PPIP5K2: variants seen among roughly 807,000 people sequenced by gnomAD.
PPIP5K2 encodes the protein diphosphoinositol pentakisphosphate kinase 2.
Under a neutral mutation model 154.6 loss-of-function variants are expected in PPIP5K2, and 105 were observed. The ratio of observed to expected loss-of-function variants is 0.68; its 90% CI spans 0.58 to 0.80. The LOEUF (loss-of-function observed/expected upper bound fraction) is 0.80, where lower values mean the gene tolerates loss of function less well. Among genes scored for constraint, PPIP5K2 ranks in the 30% least tolerant of loss-of-function variants. The pLI, the probability that PPIP5K2 is intolerant of heterozygous loss-of-function variation, is 0.00. For synonymous variants in PPIP5K2, 480 were observed against 490.3 expected (o/e 0.98, Z 0.28); for missense variants, 992 against 1,504.6 (o/e 0.66, Z 5.64).
At chr5:103,192,438 T>G (rs1263112273) in intron 29 of PPIP5K2, among the ~76,000 whole-genome samples, 1 of 152,022 alleles carries the variant, frequency 6.6e-6, no homozygotes, top group Non-Finnish European at 1.5e-5. Flanking sequence ...TCACCCTTAA[T>G]GATGTTTCAT....
intron 14 of PPIP5K2, 143 bp from the exon 15 acceptor site, chr5:103,158,045 C>T (rs902410120): frequency 1.2e-6 from 1 of 842,830 alleles, no homozygotes; most frequent in Non-Finnish European, 1.8e-6. Flanking sequence ...AAGGAACATA[C>T]ATGCAACAGC....
In PPIP5K2 at chr5:103,141,461, G is replaced by A. The variant is rs192750390; in HGVS notation, c.487+2992G>A. Among the ~76,000 whole-genome samples, 559 of 152,244 alleles carry A rather than the reference G, an allele frequency of 3.7e-3. 2 individuals carry two copies. Among genetic ancestry groups the A allele is most frequent in the African/African-American group, 0.013 (523 of 41,518 alleles). ...CAGGTGTGAAGCTGCAGATCTTCGC[G>A]GTGAGTGTTACAGCTCGGGCAGCCT... On this transcript the variant is annotated intron_variant, in intron 5 of 30. Coordinates refer to ENST00000358359, the MANE Select transcript of PPIP5K2 (RefSeq NM_001276277.3).
At position 103,201,829 on chromosome 5, in the gene PPIP5K2, C is replaced by G. The variant is rs78345585; in HGVS notation, c.*195C>G. The G allele has an allele frequency of 1.8e-4, 95 of 527,586 alleles. 1 individual carries two copies. The highest frequency in any genetic ancestry group is 1.8e-3 in the African/African-American group (89 of 50,814). 32.7% of individuals were successfully genotyped at this position (527,586 alleles called of 1,614,324 possible). On this transcript the variant is annotated 3_prime_UTR_variant, in exon 31 of 31. Coordinates refer to ENST00000358359, the MANE Select transcript of PPIP5K2 (RefSeq NM_001276277.3). ...TGTTAGCATTCTGTGAGCAGCAAAA[C>G]TTATAGTGATAAAAATCGATTGTTG...
chr5:103,191,900 A>G (rs1554227067), intron 29 of PPIP5K2, among the ~76,000 whole-genome samples: 1 of 152,078 alleles, frequency 6.6e-6, no homozygotes, highest in East Asian at 1.9e-4. Context: ...TTTGTGTATC[A>G]TTCCTCTTTT....
rs116065052 is a variant in PPIP5K2, at chr5:103,201,525, C to T, written c.3623C>T (p.Thr1208Ile). ...TTTTTGTTTTTGTTTTATGTAGCTA[C>T]AAGTGGACCTTCTAGTGCAGTTGTT... is the stretch of plus-strand genomic sequence containing the variant. ...KSTKASSKPA[T>I]SGPSSAVVPN... The change falls in exon 31 of 31, where the codon ACA becomes ATA. Residue 1208 changes from threonine to isoleucine, a missense_variant. Thr to Ile is a moderately conservative substitution (Grantham distance 89, BLOSUM62 -1). Transcript: ENST00000358359. The T allele has an allele frequency of 3.2e-4, 496 of 1,568,580 alleles. No individual in the cohort carries two copies. In the African/African-American group the frequency reaches 6.2e-3, roughly 20 times the overall value.
intron 28 of PPIP5K2, 74 bp downstream of exon 28, chr5:103,187,450 T>C: frequency 8.4e-7 from 1 of 1,189,344 alleles, no homozygotes; most frequent in Non-Finnish European, 1.2e-6. Context: ...TTTCAAAATG[T>C]GGGGTATACA....
intron 2 of PPIP5K2, 24 bp from the exon 3 acceptor site, chr5:103,133,429 T>A: frequency 6.3e-7 from 1 of 1,594,622 alleles, no homozygotes; most frequent in Non-Finnish European, 8.5e-7. Context: ...GTTAACCCGA[T>A]TTTTTGTTTC....
intron 12 of PPIP5K2, 33 bp downstream of exon 12, chr5:103,154,778 A>AT (rs1562424725): frequency 2.6e-6 from 4 of 1,550,226 alleles, no homozygotes; most frequent in Non-Finnish European, 3.5e-6. Context: ...TTAATTTTAA[A>AT]TTTTTTAGTG....
At chr5:103,137,865 G>A (rs192224360) in intron 4 of PPIP5K2, among the ~76,000 whole-genome samples, 9 of 152,032 alleles carry the variant, frequency 5.9e-5, no homozygotes, top group South Asian at 2.1e-4. Context: ...ATGTATGTTC[G>A]TTTTAAATGG....
intron 15 of PPIP5K2, 41 bp from the exon 16 acceptor site, chr5:103,158,409 GAA>G (rs1414497694): frequency 6.3e-7 from 1 of 1,590,778 alleles, no homozygotes; most frequent in African/African-American, 1.4e-5. Flanking sequence ...GAAATACAAT[GAA>G]ATGAAAATAT....
chr5:103,204,880 A>C lies in PPIP5K2; in HGVS notation c.*3246A>C, dbSNP rs782788692. On this transcript the variant is annotated 3_prime_UTR_variant, in exon 31 of 31. Transcript: ENST00000358359. ...ACTGAGTTTTTTTTTTAATACTGTA[A>C]GTTCTAGGGTACATGTGCACAATGT... The C allele has an allele frequency of 6.6e-6, 1 of 151,940 alleles. No homozygotes were observed. 9.4% of individuals were successfully genotyped at this position (151,940 alleles called of 1,614,324 possible). A position where few individuals can be genotyped will look rare whatever the true frequency, so the allele number is the denominator to read the frequency against.
At chr5:103,197,641 T>G (rs180797003) in intron 30 of PPIP5K2, among the ~76,000 whole-genome samples, 1 of 146,372 alleles carries the variant, frequency 6.8e-6, no homozygotes, top group Admixed American at 7.0e-5. Flanking sequence ...AGTGGTGTGA[T>G]CTCAGCTCAC....
At chr5:103,193,965 C>T (rs1801663601) in intron 29 of PPIP5K2, among the ~76,000 whole-genome samples, 1 of 152,150 alleles carries the variant, frequency 6.6e-6, no homozygotes, top group African/African-American at 2.4e-5. Context: ...ACCGGAAAGA[C>T]TCAACTTTAA....
chr5:103,160,255 C>T (rs766435909), intron 17 of PPIP5K2, among the ~76,000 whole-genome samples: 1 of 152,074 alleles, frequency 6.6e-6, no homozygotes, highest in Non-Finnish European at 1.5e-5. Context: ...CCTTGATATA[C>T]GATTTCATTT....
chr5:103,165,449 A>C (rs1379194700), intron 17 of PPIP5K2, among the ~76,000 whole-genome samples: 3 of 150,840 alleles, frequency 2.0e-5, no homozygotes, highest in Non-Finnish European at 4.4e-5. Flanking sequence ...ACAAATTTCA[A>C]CTTTTTTTTA....
chr5:103,152,749 T>G lies in PPIP5K2; in HGVS notation c.1130T>G (p.Met377Arg). Residue 377 changes from methionine to arginine, a missense_variant and splice_region_variant, in exon 10 of 31, where the codon ATG becomes AGG. Physicochemically the swap from Met to Arg is moderately conservative, Grantham distance 91. Around this residue, in one of 9 missense-constraint regions of PPIP5K2, gnomAD observed 163 missense variants for 285.2 expected, o/e 0.57. Transcript: ENST00000358359. The part of the protein sequence containing the change: ...IPIVPTTSGT[M>R]MELRCVIAVI... Reference sequence around the variant, plus strand: ...ATTGTACCAACTACATCTGGAACTATGTAAGTCTGAATTATTTTCATTTAG... The same window carrying G: ...ATTGTACCAACTACATCTGGAACTAGGTAAGTCTGAATTATTTTCATTTAG... The G allele has an allele frequency of 1.3e-6, 2 of 1,530,638 alleles. No individual in the cohort carries two copies. The highest frequency in any genetic ancestry group is 1.8e-6 in the Non-Finnish European group (2 of 1,108,084). The allele number at this position is 1,530,638 out of a possible 1,614,324, so 94.8% of individuals were successfully genotyped here.
intron 23 of PPIP5K2, among the ~76,000 whole-genome samples, chr5:103,179,709 ATTGT>A (rs1172493800): frequency 1.3e-5 from 2 of 152,050 alleles, no homozygotes; most frequent in African/African-American, 4.8e-5. Flanking sequence ...ATTTATTATT[ATTGT>A]TTATTTATTC....
At chr5:103,180,218 A>G in intron 24 of PPIP5K2, 30 bp downstream of exon 24, 1 of 1,499,788 alleles carries the variant, frequency 6.7e-7, no homozygotes. Context: ...CACATTTTTC[A>G]TACAGTAAAC....
intron 14 of PPIP5K2, 62 bp from the exon 15 acceptor site, chr5:103,158,126 A>G: frequency 6.5e-7 from 1 of 1,541,582 alleles, no homozygotes. Context: ...AAAAAAATGA[A>G]TCTTAAGTCT....
Sources: allele counts gnomAD v4.1 joint callset (sites outside exome capture counted in the v4.1 genomes callset), GRCh38; gene constraint gnomAD v4.1.1; regional missense constraint gnomAD v4.1.1; transcripts MANE v1.5; gene names NCBI Gene and HGNC (gene_info 2026-07-23, HGNC 2026-07-21).